Variants in GALNTL6 observed in about 807,000 individuals in gnomAD.
GALNTL6 encodes polypeptide N-acetylgalactosaminyltransferase like 6, also known as polypeptide N-acetylgalactosaminyltransferase-like 6.
GALNTL6 carries 46 observed loss-of-function variants against 73.7 expected under a neutral mutation model. That is an observed-to-expected ratio of 0.62 (90% CI 0.49 to 0.80). The LOEUF (loss-of-function observed/expected upper bound fraction) is 0.80, where lower values mean the gene tolerates loss of function less well. Ranked by LOEUF, GALNTL6 falls within the 30% of genes least tolerant of loss-of-function variation. The probability of loss-of-function intolerance (pLI) is 0.00; values close to 1 mark genes in which losing one functional copy is unlikely to be tolerated. For missense variants in GALNTL6, 604 were observed against 755.0 expected (o/e 0.80, Z 2.34); for synonymous variants, 259 against 263.7 (o/e 0.98, Z 0.17).
chr4:172,602,842 A>G (rs1025181267), intron 5 of GALNTL6, among the ~76,000 whole-genome samples: 1 of 152,224 alleles, frequency 6.6e-6, no homozygotes, highest in East Asian at 1.9e-4. Flanking sequence ...TGGCCTATCA[A>G]GATGTGAGAA....
At chr4:172,642,505 T>C (rs837218) in intron 5 of GALNTL6, among the ~76,000 whole-genome samples, 151,384 of 152,060 alleles carry the variant, frequency 1, 75,358 homozygotes, top group Middle Eastern at 1. Flanking sequence ...TGATCTCACT[T>C]ATGTGGAATC....
intron 5 of GALNTL6, among the ~76,000 whole-genome samples, chr4:172,558,851 A>C (rs1214277342): frequency 6.6e-6 from 1 of 152,064 alleles, no homozygotes; most frequent in African/African-American, 2.4e-5. Flanking sequence ...ACTATTTCAC[A>C]TCTTTGGGTT....
At chr4:172,676,419 G>A (rs1732304506) in intron 5 of GALNTL6, among the ~76,000 whole-genome samples, 2 of 152,266 alleles carry the variant, frequency 1.3e-5, no homozygotes. Context: ...CTTGTTCTAA[G>A]GATGTGAAAA....
chr4:173,035,944 G>A (rs1753679355), intron 12 of GALNTL6, among the ~76,000 whole-genome samples: 1 of 152,200 alleles, frequency 6.6e-6, no homozygotes, highest in Admixed American at 6.5e-5. Flanking sequence ...GAAAGGGAGG[G>A]AGGAATCACT....
intron 7 of GALNTL6, among the ~76,000 whole-genome samples, chr4:172,854,794 T>C (rs1744036918): frequency 6.6e-6 from 1 of 152,220 alleles, no homozygotes; most frequent in South Asian, 2.1e-4. Flanking sequence ...TAGTGAGTTA[T>C]ATGCCTCTCC....
intron 5 of GALNTL6, among the ~76,000 whole-genome samples, chr4:172,527,393 G>A (rs1734995826): frequency 6.6e-6 from 1 of 152,180 alleles, no homozygotes; most frequent in South Asian, 2.1e-4. Flanking sequence ...ATTATTGTAA[G>A]TTATAATGAT....
chr4:172,848,045 C>T (rs922600805), intron 7 of GALNTL6, among the ~76,000 whole-genome samples: 24 of 152,132 alleles, frequency 1.6e-4, no homozygotes, highest in African/African-American at 4.8e-4. Context: ...GAAGGTGACA[C>T]CCATGTTTAT....
chr4:172,721,966 G>A lies in GALNTL6; in HGVS notation c.554-87395G>A, dbSNP rs560986850. Among the ~76,000 whole-genome samples the A allele has an allele frequency of 4.7e-5, 7 of 148,020 alleles. No homozygotes were observed. In the East Asian group the frequency reaches 1.4e-3, roughly 30 times the overall value. On this transcript the variant is annotated intron_variant, in intron 5 of 12. Coordinates refer to ENST00000506823, the MANE Select transcript of GALNTL6 (RefSeq NM_001034845.3). Reference sequence around the variant, plus strand: ...TTTGTTGCTTAGTAACACAAATATTGCAATGGAGGTGGCGGAAGGCTTTTT... The same window carrying A: ...TTTGTTGCTTAGTAACACAAATATTACAATGGAGGTGGCGGAAGGCTTTTT...
At chr4:172,531,502 T>C (rs1735168440) in intron 5 of GALNTL6, among the ~76,000 whole-genome samples, 1 of 152,194 alleles carries the variant, frequency 6.6e-6, no homozygotes, top group Non-Finnish European at 1.5e-5. Context: ...AGCTGCTGGA[T>C]TGATTCACTG....
At chr4:172,895,108 G>T (rs559869075) in intron 8 of GALNTL6, among the ~76,000 whole-genome samples, 92 of 151,374 alleles carry the variant, frequency 6.1e-4, no homozygotes, top group Non-Finnish European at 1.2e-3. Flanking sequence ...GTTTCTTATA[G>T]GCAGCATATA....
At chr4:172,795,202 G>A (rs765248744) in intron 5 of GALNTL6, among the ~76,000 whole-genome samples, 2 of 152,148 alleles carry the variant, frequency 1.3e-5, no homozygotes, top group African/African-American at 2.4e-5. Context: ...TAGAAATACC[G>A]AAAATGAGGA....
intron 5 of GALNTL6, among the ~76,000 whole-genome samples, chr4:172,461,214 T>G (rs1245678028): frequency 6.6e-6 from 1 of 151,690 alleles, no homozygotes; most frequent in Admixed American, 6.6e-5. Flanking sequence ...CTGGGACCTG[T>G]TGGGGGGTGG....
chr4:172,880,875 G>T (rs2111187847), intron 7 of GALNTL6, among the ~76,000 whole-genome samples: 1 of 152,198 alleles, frequency 6.6e-6, no homozygotes, highest in African/African-American at 2.4e-5. Flanking sequence ...CATGGGTTTT[G>T]TATAAACTCG....
At chr4:172,433,765 A>G (rs935117615) in intron 5 of GALNTL6, among the ~76,000 whole-genome samples, 3 of 152,090 alleles carry the variant, frequency 2.0e-5, no homozygotes, top group Non-Finnish European at 4.4e-5. Flanking sequence ...ACCCAGCAGA[A>G]GATGGAGTCC....
At chr4:172,674,309 G>A (rs1320356115) in intron 5 of GALNTL6, among the ~76,000 whole-genome samples, 1 of 152,082 alleles carries the variant, frequency 6.6e-6, no homozygotes, top group Non-Finnish European at 1.5e-5. Flanking sequence ...CTTCTGTATT[G>A]TAGGATTTCA....
intron 3 of GALNTL6, among the ~76,000 whole-genome samples, chr4:172,298,446 A>T (rs1739772902): frequency 6.6e-6 from 1 of 152,204 alleles, no homozygotes; most frequent in African/African-American, 2.4e-5. Flanking sequence ...TTCAAAAGGA[A>T]TGCTTCCAGT....
intron 2 of GALNTL6, among the ~76,000 whole-genome samples, chr4:171,937,458 A>G (rs1295797075): frequency 6.6e-6 from 1 of 152,158 alleles, no homozygotes; most frequent in Non-Finnish European, 1.5e-5. Context: ...CTTTGACTAT[A>G]AAAGAGCATG....
At chr4:172,852,155 C>G (rs1326381304) in intron 7 of GALNTL6, among the ~76,000 whole-genome samples, 1 of 151,998 alleles carries the variant, frequency 6.6e-6, no homozygotes, top group Non-Finnish European at 1.5e-5. Flanking sequence ...TTACAGTAAC[C>G]CTAGTAGCTT....
intron 5 of GALNTL6, among the ~76,000 whole-genome samples, chr4:172,485,272 T>C (rs1281225189): frequency 6.6e-6 from 1 of 152,126 alleles, no homozygotes; most frequent in Non-Finnish European, 1.5e-5. Flanking sequence ...CCACATAGAA[T>C]ATTCAAATTG....
Sources: gnomAD v4.1 joint callset for allele counts (sites outside exome capture counted in the v4.1 genomes callset) on GRCh38, gnomAD v4.1.1 for gene constraint, MANE v1.5 for transcripts, NCBI Gene and HGNC (gene_info 2026-07-23, HGNC 2026-07-21) for gene names.